Variants in SEC16B observed in about 807,000 individuals in gnomAD.
SEC16B encodes the protein protein transport protein Sec16B.
Under a neutral mutation model 141.8 loss-of-function variants are expected in SEC16B, and 115 were observed. The ratio of observed to expected loss-of-function variants is 0.81; its 90% CI spans 0.70 to 0.95. The LOEUF (loss-of-function observed/expected upper bound fraction) is 0.95, where lower values mean the gene tolerates loss of function less well. Among genes scored for constraint, SEC16B ranks in the 40% least tolerant of loss-of-function variants. The pLI, the probability that SEC16B is intolerant of heterozygous loss-of-function variation, is 0.00. For missense variants in SEC16B, 1,291 were observed against 1,312.3 expected, an observed-to-expected ratio of 0.98 and a Z score of 0.25; for synonymous variants, 493 against 492.5, an observed-to-expected ratio of 1.00 and a Z score of -0.01.
At chr1:177,983,967 G>A (rs186911194) in intron 1 of SEC16B, among the ~76,000 whole-genome samples, 9 of 152,320 alleles carry the variant, frequency 5.9e-5, no homozygotes, top group African/African-American at 1.9e-4. Context: ...CAAGGAGTTA[G>A]GGTTGGAAAT....
chr1:177,941,335 T>C (rs565989646), intron 16 of SEC16B, among the ~76,000 whole-genome samples: 3 of 152,338 alleles, frequency 2.0e-5, no homozygotes, highest in Non-Finnish European at 4.4e-5. Flanking sequence ...GCCTCATCTA[T>C]GGCAAAGCAA....
At chr1:177,957,294 AAATAT>A (rs1210578393) in intron 10 of SEC16B, among the ~76,000 whole-genome samples, 1 of 152,160 alleles carries the variant, frequency 6.6e-6, no homozygotes, top group Non-Finnish European at 1.5e-5. Context: ...TAGATAAATA[AAATAT>A]GATACATTAA....
chr1:177,982,232 C>A (rs1654447531), intron 1 of SEC16B, among the ~76,000 whole-genome samples: 1 of 152,092 alleles, frequency 6.6e-6, no homozygotes, highest in Non-Finnish European at 1.5e-5. Context: ...TGCTCATTGG[C>A]TGGTTTGGTG....
intron 12 of SEC16B, among the ~76,000 whole-genome samples, chr1:177,950,566 A>G (rs539900282): frequency 3.3e-5 from 5 of 152,350 alleles, no homozygotes; most frequent in Admixed American, 2.0e-4. Context: ...AACATGAAAA[A>G]TAGAGAGGAG....
At chr1:177,944,172 C>A (rs1651492169) in intron 15 of SEC16B, among the ~76,000 whole-genome samples, 2 of 152,166 alleles carry the variant, frequency 1.3e-5, no homozygotes, top group Non-Finnish European at 2.9e-5. Context: ...GGTGAGCAGA[C>A]ACTGGGCTGG....
chr1:177,934,445 G>T (rs1337952415), intron 20 of SEC16B, among the ~76,000 whole-genome samples: 4 of 152,078 alleles, frequency 2.6e-5, no homozygotes, highest in African/African-American at 9.7e-5. Context: ...GAGCACAATT[G>T]ATACAAACCT....
chr1:177,939,644 C>G (rs917784556), intron 18 of SEC16B, 58 bp downstream of exon 18: 2 of 1,365,934 alleles, frequency 1.5e-6, no homozygotes, highest in Non-Finnish European at 1.0e-6. Flanking sequence ...TACTTTGTCT[C>G]GTAGAATCAG....
intron 18 of SEC16B, among the ~76,000 whole-genome samples, chr1:177,939,308 C>T (rs1651103053): frequency 6.6e-6 from 1 of 152,180 alleles, no homozygotes. Flanking sequence ...ATCACTAGCT[C>T]AAAACTCTTA....
At chr1:177,957,262 T>C (rs1652683487) in intron 10 of SEC16B, among the ~76,000 whole-genome samples, 1 of 152,116 alleles carries the variant, frequency 6.6e-6, no homozygotes, top group Non-Finnish European at 1.5e-5. Flanking sequence ...ATAAATAGTC[T>C]AAATATTCAA....
intron 11 of SEC16B, among the ~76,000 whole-genome samples, chr1:177,953,171 A>G (rs918560333): frequency 4.6e-5 from 7 of 151,932 alleles, no homozygotes; most frequent in Non-Finnish European, 7.4e-5. Flanking sequence ...ACACCTGGCT[A>G]ATATTTGTAT....
At chr1:177,976,508 A>G (rs1654175480) in intron 1 of SEC16B, among the ~76,000 whole-genome samples, 1 of 152,208 alleles carries the variant, frequency 6.6e-6, no homozygotes, top group African/African-American at 2.4e-5. Flanking sequence ...TGGTCCTGGA[A>G]TAAAGTTGTC....
Position 177,967,908 on chromosome 1 carries a change from C to G in SEC16B, c.74G>C (p.Arg25Pro), listed in dbSNP as rs376159757. 4 of 1,613,976 alleles carry G rather than the reference C, an allele frequency of 2.5e-6. No individual in the cohort carries two copies. Among genetic ancestry groups the G allele is most frequent in the South Asian group, 2.2e-5 (2 of 91,082 alleles). The change falls in exon 2 of 26, where the codon CGA (arginine) becomes CCA (proline). Residue 25 changes from arginine (R) to proline (P), a missense_variant. Coordinates refer to ENST00000308284, the MANE Select transcript of SEC16B (RefSeq NM_033127.4). Reference protein sequence around the residue: ...KATAPSKDPDRGFRRDGHHRP... With the variant: ...KATAPSKDPDPGFRRDGHHRP... ...ATGATGTCCATCTCTCCGAAACCCT[C>G]GGTCTGGATCCTTTGAGGGTGCTGT...
chr1:177,983,763 A>G (rs1292561718), intron 1 of SEC16B, among the ~76,000 whole-genome samples: 1 of 152,180 alleles, frequency 6.6e-6, no homozygotes, highest in Admixed American at 6.5e-5. Flanking sequence ...GTTTTAACCA[A>G]CTTGAATCCT....
chr1:177,965,855 C>T, intron 3 of SEC16B, 38 bp downstream of exon 3: 1 of 1,337,646 alleles, frequency 7.5e-7, no homozygotes, highest in African/African-American at 1.4e-5. Flanking sequence ...GCTGCCCCAT[C>T]CCCAAATCCC....
Position 177,958,356 on chromosome 1 carries a change from C to T in SEC16B, c.1141G>A (p.Val381Met). 1 of 1,587,464 alleles carries T rather than the reference C, an allele frequency of 6.3e-7. No homozygotes were observed. Among genetic ancestry groups the T allele is most frequent in the Non-Finnish European group, 8.6e-7 (1 of 1,166,464 alleles). The change falls in exon 10 of 26, where the codon GTG becomes ATG. Residue 381 changes from valine to methionine, a missense_variant. Val to Met is a conservative substitution (Grantham distance 21, BLOSUM62 1). This residue lies in a region of SEC16B where 681 missense variants were observed against 675.5 expected (regional missense o/e 1.01). Coordinates refer to ENST00000308284, the MANE Select transcript of SEC16B (RefSeq NM_033127.4). Reference sequence around the variant, plus strand: ...AGCAGCTCAGCGATGTCAGACCCCACCATGGACTGTAAGGCAAAGAGGATC... The same window carrying T: ...AGCAGCTCAGCGATGTCAGACCCCATCATGGACTGTAAGGCAAAGAGGATC... Reference protein sequence around the residue: ...VLLCRQNGSMVGSDIAELLMQ... With the variant: ...VLLCRQNGSMMGSDIAELLMQ...
rs372885569 is a variant in SEC16B, at chr1:177,939,663, C to T, written c.2203+39G>A. On this transcript the variant is annotated intron_variant, in intron 18 of 25. Transcript: ENST00000308284. ...TTGTCTCGTAGAATCAGATCCTGAG[C>T]GTCAGCTATGTATATGCTCAGTTCA... is the stretch of plus-strand genomic sequence containing the variant. The T allele has an allele frequency of 9.2e-4, 1,324 of 1,432,804 alleles. 1 individual carries two copies. Among genetic ancestry groups the T allele is most frequent in the Non-Finnish European group, 1.2e-3 (1,228 of 1,036,336 alleles). 88.8% of individuals were successfully genotyped at this position (1,432,804 alleles called of 1,614,324 possible). A position where few individuals can be genotyped will look rare whatever the true frequency, so the allele number is the denominator to read the frequency against.
intron 9 of SEC16B, 132 bp downstream of exon 9, chr1:177,958,708 T>A: frequency 8.4e-7 from 1 of 1,195,458 alleles, no homozygotes; most frequent in Non-Finnish European, 1.1e-6. Flanking sequence ...ATTTGAGCAA[T>A]TTTTTCCCTT....
At position 177,936,280 on chromosome 1, in the gene SEC16B, T is replaced by C; in HGVS notation, c.2571+18A>G. On this transcript the variant is annotated intron_variant, in intron 20 of 25. Coordinates refer to ENST00000308284, the MANE Select transcript of SEC16B (RefSeq NM_033127.4). ...CATTTGAGTGGGCAGTGGCATCTTTTATGCTGTGCGCTCTCACCTGTGGTT... is the reference window on the plus strand; with the variant it reads ...CATTTGAGTGGGCAGTGGCATCTTTCATGCTGTGCGCTCTCACCTGTGGTT... 1 of 1,601,768 alleles carries C rather than the reference T, an allele frequency of 6.2e-7. No homozygotes were observed. The highest frequency in any genetic ancestry group is 8.5e-7 in the Non-Finnish European group (1 of 1,173,630).
At chr1:177,955,953 T>C (rs1652567910) in intron 10 of SEC16B, among the ~76,000 whole-genome samples, 1 of 152,210 alleles carries the variant, frequency 6.6e-6, no homozygotes, top group African/African-American at 2.4e-5. Flanking sequence ...AAATTAATTA[T>C]AATTTATCAG....
Sources: gnomAD v4.1 joint callset for allele counts (sites outside exome capture counted in the v4.1 genomes callset) on GRCh38, gnomAD v4.1.1 for gene constraint, gnomAD v4.1.1 regional missense constraint, MANE v1.5 for transcripts, NCBI Gene and HGNC (gene_info 2026-07-23, HGNC 2026-07-21) for gene names.